Variants in PRKN observed in about 807,000 individuals in gnomAD.
PRKN encodes parkin RBR E3 ubiquitin protein ligase, also known as E3 ubiquitin-protein ligase parkin.
A neutral mutation model predicts 59.5 loss-of-function variants in PRKN; 56 were observed. That is an observed-to-expected ratio of 0.94 (90% CI 0.76 to 1.18). The LOEUF is 1.18. Ranked by LOEUF, PRKN falls within the 50% of genes most tolerant of loss-of-function variation. The pLI, the probability that PRKN is intolerant of heterozygous loss-of-function variation, is 0.00. For missense variants in PRKN, 657 were observed against 596.4 expected (o/e 1.10, Z -1.06); for synonymous variants, 250 against 222.1 (o/e 1.13, Z -1.12).
intron 6 of PRKN, among the ~76,000 whole-genome samples, chr6:161,903,912 C>T (rs1411210838): frequency 2.0e-5 from 3 of 151,352 alleles, no homozygotes; most frequent in Non-Finnish European, 2.9e-5. Context: ...GCTGCAGTTT[C>T]GTCTGCAGGA....
At chr6:161,824,869 T>C (rs1049029975) in intron 6 of PRKN, among the ~76,000 whole-genome samples, 2 of 152,212 alleles carry the variant, frequency 1.3e-5, no homozygotes, top group East Asian at 1.9e-4. Context: ...CAAAAGGACA[T>C]ATTGAAGACA....
At chr6:162,333,531 G>A (rs200816926) in intron 2 of PRKN, among the ~76,000 whole-genome samples, 3 of 151,916 alleles carry the variant, frequency 2.0e-5, no homozygotes, top group South Asian at 2.1e-4. Flanking sequence ...CATAAATATC[G>A]TCTAGTTTTG....
At chr6:162,599,402 T>C (rs150635333) in intron 1 of PRKN, among the ~76,000 whole-genome samples, 26 of 152,244 alleles carry the variant, frequency 1.7e-4, no homozygotes, top group Admixed American at 8.5e-4. Context: ...TGCGTGTCTT[T>C]TGTCCAGAAT....
chr6:162,090,827 G>C (rs985062977), intron 4 of PRKN, among the ~76,000 whole-genome samples: 1 of 152,128 alleles, frequency 6.6e-6, no homozygotes, highest in Non-Finnish European at 1.5e-5. Context: ...TTTGGAAAAT[G>C]CTAGACCCTA....
intron 6 of PRKN, among the ~76,000 whole-genome samples, chr6:161,900,679 T>C (rs1386036895): frequency 1.5e-5 from 2 of 130,472 alleles, no homozygotes; most frequent in South Asian, 2.2e-4. Context: ...ATGTTATATA[T>C]AATATATTAT....
intron 2 of PRKN, among the ~76,000 whole-genome samples, chr6:162,291,474 T>A (rs528319281): frequency 6.6e-6 from 1 of 152,172 alleles, no homozygotes; most frequent in Admixed American, 6.6e-5. Context: ...TGGTGCCACG[T>A]CCACCCTTGA....
chr6:161,490,686 C>G (rs951423033), intron 9 of PRKN, among the ~76,000 whole-genome samples: 1 of 152,092 alleles, frequency 6.6e-6, no homozygotes, highest in African/African-American at 2.4e-5. Flanking sequence ...CCACTGTGCA[C>G]GGCCAGATCT....
chr6:161,418,110 T>G (rs1019912925), intron 9 of PRKN, among the ~76,000 whole-genome samples: 3 of 152,374 alleles, frequency 2.0e-5, no homozygotes, highest in Middle Eastern at 3.4e-3. Context: ...TAAGGCCATC[T>G]GGAAAAGTAT....
At position 161,473,618 on chromosome 6, in the gene PRKN, T is replaced by C. The variant is rs993548309; in HGVS notation, c.1083+75236A>G. Among the ~76,000 whole-genome samples the C allele has an allele frequency of 1.8e-4, 27 of 151,896 alleles. No homozygotes were observed. Among genetic ancestry groups the C allele is most frequent in the Middle Eastern group, 6.8e-3 (2 of 294 alleles). Reference sequence around the variant, plus strand: ...AAATGGGGAGATATGGGTCAAAGCATACAAAGTTACAGGTAGGACAAATAT... The same window carrying C: ...AAATGGGGAGATATGGGTCAAAGCACACAAAGTTACAGGTAGGACAAATAT... On this transcript the variant is annotated intron_variant, in intron 9 of 11. Transcript: ENST00000366898. This position sits in a 1 kb window ranked among gnomAD's most constrained non-coding sequence, Gnocchi z 4.1.
intron 9 of PRKN, among the ~76,000 whole-genome samples, chr6:161,465,956 T>C (rs1347423676): frequency 6.6e-6 from 1 of 152,234 alleles, no homozygotes; most frequent in Non-Finnish European, 1.5e-5. Flanking sequence ...TGATAAATAA[T>C]AATCATATAT....
chr6:162,376,478 A>C (rs1430793772), intron 2 of PRKN, among the ~76,000 whole-genome samples: 1 of 151,540 alleles, frequency 6.6e-6, no homozygotes, highest in Non-Finnish European at 1.5e-5. Context: ...TTCCTGCTGT[A>C]CACGCAGCCA....
chr6:161,433,695 T>C (rs576898954), intron 9 of PRKN, among the ~76,000 whole-genome samples: 13 of 152,092 alleles, frequency 8.5e-5, no homozygotes, highest in Admixed American at 7.9e-4. Flanking sequence ...ATTTAAAAGA[T>C]TGCTGTCTCT....
At chr6:161,522,513 C>T (rs1354208001) in intron 9 of PRKN, among the ~76,000 whole-genome samples, 1 of 152,200 alleles carries the variant, frequency 6.6e-6, no homozygotes, top group Non-Finnish European at 1.5e-5. Flanking sequence ...AGATATGGAT[C>T]CCAGCATGCC....
intron 1 of PRKN, among the ~76,000 whole-genome samples, chr6:162,488,337 T>A (rs995313850): frequency 1.3e-5 from 2 of 152,180 alleles, no homozygotes; most frequent in East Asian, 3.9e-4. Context: ...TTTTTACTCA[T>A]GTATGTCCCA....
At chr6:161,511,490 G>A (rs1325975063) in intron 9 of PRKN, among the ~76,000 whole-genome samples, 7 of 152,150 alleles carry the variant, frequency 4.6e-5, no homozygotes, top group African/African-American at 1.7e-4. Flanking sequence ...AAGAAAATAA[G>A]TATTATGAAG....
intron 2 of PRKN, among the ~76,000 whole-genome samples, chr6:162,279,505 T>C (rs781246215): frequency 7.9e-5 from 12 of 152,100 alleles, no homozygotes; most frequent in Non-Finnish European, 1.2e-4. Context: ...GAATCCTCTG[T>C]CTTAATCCTG....
At chr6:161,564,749 C>G (rs539112083) in intron 8 of PRKN, among the ~76,000 whole-genome samples, 1 of 152,262 alleles carries the variant, frequency 6.6e-6, no homozygotes, top group Non-Finnish European at 1.5e-5. Context: ...TCTCTCATTT[C>G]TCAAATCTTC....
intron 2 of PRKN, among the ~76,000 whole-genome samples, chr6:162,402,309 C>T (rs917786479): frequency 4.6e-5 from 7 of 151,572 alleles, no homozygotes; most frequent in Non-Finnish European, 1.0e-4. Context: ...ATTATTCCAG[C>T]GTTTGCCAAC....
At chr6:162,325,930 G>A (rs931897074) in intron 2 of PRKN, among the ~76,000 whole-genome samples, 3 of 152,120 alleles carry the variant, frequency 2.0e-5, no homozygotes, top group Non-Finnish European at 2.9e-5. Flanking sequence ...GGAGATCTTT[G>A]CAAACATCCG....
Sources: gnomAD v4.1 joint callset for allele counts (sites outside exome capture counted in the v4.1 genomes callset) on GRCh38, gnomAD v4.1.1 for gene constraint, Gnocchi (gnomAD v3.1) non-coding constraint, MANE v1.5 for transcripts, NCBI Gene and HGNC (gene_info 2026-07-23, HGNC 2026-07-21) for gene names.